The following GRIN3A variants were observed in gnomAD, a reference collection of about 807,000 sequenced individuals.
GRIN3A encodes the protein glutamate ionotropic receptor NMDA type subunit 3A.
GRIN3A carries 47 observed loss-of-function variants against 92.4 expected under a neutral mutation model. That is an observed-to-expected ratio of 0.51 (90% CI 0.40 to 0.65). The LOEUF is 0.65. Ranked by LOEUF, GRIN3A falls within the 30% of genes least tolerant of loss-of-function variation. GRIN3A has a pLI of 0.00. For missense variants in GRIN3A, 1,324 were observed against 1,393.1 expected, an observed-to-expected ratio of 0.95 and a Z score of 0.79; for synonymous variants, 527 against 540.6, an observed-to-expected ratio of 0.97 and a Z score of 0.35.
chr9:101,600,545 T>A (rs1261845937), intron 6 of GRIN3A, among the ~76,000 whole-genome samples: 1 of 152,038 alleles, frequency 6.6e-6, no homozygotes, highest in African/African-American at 2.4e-5. Context: ...AACAGAAAAC[T>A]TTTACTGGGG....
chr9:101,734,154 G>T (rs1244461651), intron 1 of GRIN3A, among the ~76,000 whole-genome samples: 1 of 152,206 alleles, frequency 6.6e-6, no homozygotes, highest in East Asian at 1.9e-4. Flanking sequence ...ACTTTAGGGA[G>T]TTAACTTTGA....
chr9:101,617,902 G>A (rs1828487745), intron 5 of GRIN3A, among the ~76,000 whole-genome samples: 2 of 150,344 alleles, frequency 1.3e-5, no homozygotes, highest in Non-Finnish European at 2.9e-5. Context: ...GCGGTGTTTG[G>A]TTTTTTGTTC....
At chr9:101,699,157 T>C (rs769646409) in intron 1 of GRIN3A, among the ~76,000 whole-genome samples, 1 of 152,248 alleles carries the variant, frequency 6.6e-6, no homozygotes, top group Non-Finnish European at 1.5e-5. Context: ...AATTTGTTTT[T>C]ATTTTTTAAA....
At chr9:101,714,510 C>G (rs1346715890) in intron 1 of GRIN3A, among the ~76,000 whole-genome samples, 1 of 152,110 alleles carries the variant, frequency 6.6e-6, no homozygotes, top group Non-Finnish European at 1.5e-5. Context: ...TCAGTTAGAA[C>G]TCAGACAGCT....
In GRIN3A at chr9:101,628,301, C is replaced by T. The variant is rs755186336; in HGVS notation, c.2453G>A (p.Arg818Lys). 6.2e-7 allele frequency: 1 copy of T among 1,613,994 alleles called. No homozygotes were observed. Among genetic ancestry groups the T allele is most frequent in the South Asian group, 1.1e-5 (1 of 91,078 alleles). ...QSFPEMHEYM[R>K]RYNVPATPDG... The stretch of plus-strand genomic sequence containing the variant: ...AGGGGTGGCTGGAACATTGTACCTT[C>T]TCATATATTCATGCATCTCTGGGAA... The change falls in exon 4 of 9, where the codon AGA becomes AAA. Residue 818 changes from arginine (R) to lysine (K), a missense_variant. Coordinates refer to ENST00000361820, the MANE Select transcript of GRIN3A (RefSeq NM_133445.3).
At position 101,669,992 on chromosome 9, in the gene GRIN3A, C is replaced by T. The variant is rs1004178735; in HGVS notation, c.2352+68G>A. On this transcript the variant is annotated intron_variant, in intron 3 of 8. Transcript: ENST00000361820. ...TAGATGGAAGAACATGAGCATACTACAGCAGAAGATACAACATACGGAATT... is the reference window on the plus strand; with the variant it reads ...TAGATGGAAGAACATGAGCATACTATAGCAGAAGATACAACATACGGAATT... 4.1e-5 allele frequency: 48 copies of T among 1,182,000 alleles called. No homozygotes were observed. In the African/African-American group the frequency reaches 6.2e-4, roughly 15 times the overall value. The allele number at this position is 1,182,000 out of a possible 1,614,324, so 73.2% of individuals were successfully genotyped here. A position where few individuals can be genotyped will look rare whatever the true frequency, so the allele number is the denominator to read the frequency against.
At chr9:101,650,314 C>T (rs1401740062) in intron 3 of GRIN3A, among the ~76,000 whole-genome samples, 1 of 152,062 alleles carries the variant, frequency 6.6e-6, no homozygotes, top group Non-Finnish European at 1.5e-5. Context: ...TCCCCTCTAA[C>T]TCTGGTCCTA....
Position 101,683,844 on chromosome 9 carries a change from CAGTGAGAGAG to C in GRIN3A, c.1304+2742_1304+2751del, listed in dbSNP as rs1333227367. Among the ~76,000 whole-genome samples the C allele has an allele frequency of 3.2e-3, 257 of 79,168 alleles. 2 individuals carry two copies. Among genetic ancestry groups the C allele is most frequent in the South Asian group, 0.025 (53 of 2,136 alleles). 51.9% of individuals were successfully genotyped at this position (79,168 alleles called of 152,430 possible). A position where few individuals can be genotyped will look rare whatever the true frequency, so the allele number is the denominator to read the frequency against. ...CACCATAAGGAGAGAGAGAGAGAGA[CAGTGAGAGAG>C]AGAGAGAGAGAGAGAGAGAGAGAGA... On this transcript the variant is annotated intron_variant, in intron 2 of 8. Transcript: ENST00000361820.
In GRIN3A at chr9:101,670,895, T is replaced by C; in HGVS notation, c.1517A>G (p.His506Arg). Residue 506 changes from histidine (H) to arginine (R), a missense_variant, in exon 3 of 9, where the codon CAC (histidine) becomes CGC (arginine). By Grantham distance (29) the His-to-Arg change is conservative. Coordinates refer to ENST00000361820, the MANE Select transcript of GRIN3A (RefSeq NM_133445.3). The stretch of plus-strand genomic sequence containing the variant: ...GTGTAGCTTACTTGGATGTTGGAAG[T>C]GGGTTTTGTGTCTCTGGGCCTGCTC... ...WPEQAQRHKT[H>R]FQHPSKLHLR... The C allele has an allele frequency of 6.2e-7, 1 of 1,612,008 alleles. No individual in the cohort carries two copies.
chr9:101,699,174 TGTTAA>T (rs1195052080), intron 1 of GRIN3A, among the ~76,000 whole-genome samples: 2 of 152,222 alleles, frequency 1.3e-5, no homozygotes, highest in East Asian at 1.9e-4. Context: ...TAAAACTTTT[TGTTAA>T]AAATAAAGAT....
intron 6 of GRIN3A, among the ~76,000 whole-genome samples, chr9:101,589,022 A>G (rs10122869): frequency 0.14 from 21,503 of 151,994 alleles, 1,650 homozygotes; most frequent in East Asian, 0.22. Context: ...CCAGGGCAGA[A>G]TGTAGTGGAG....
In GRIN3A at chr9:101,738,082, A is replaced by C; in HGVS notation, c.-103T>G. The C allele has an allele frequency of 1.0e-6, 1 of 985,262 alleles. No homozygotes were observed. Among genetic ancestry groups the C allele is most frequent in the Non-Finnish European group, 1.5e-6 (1 of 646,350 alleles). The allele number at this position is 985,262 out of a possible 1,614,324, so 61.0% of individuals were successfully genotyped here. On this transcript the variant is annotated 5_prime_UTR_variant, in exon 1 of 9. Coordinates refer to ENST00000361820, the MANE Select transcript of GRIN3A (RefSeq NM_133445.3). ...GCCTCCAGGTCCCGCGCGCAGCTTC[A>C]CTCCACTCGGTGAAGCGGTCCCAGG...
chr9:101,633,405 C>T (rs956201482), intron 3 of GRIN3A, among the ~76,000 whole-genome samples: 10 of 152,146 alleles, frequency 6.6e-5, no homozygotes, highest in Admixed American at 6.5e-4. Flanking sequence ...CCTGTGGATG[C>T]TATAGTATCA....
intron 3 of GRIN3A, among the ~76,000 whole-genome samples, chr9:101,662,265 C>T (rs910395309): frequency 9.9e-5 from 15 of 151,834 alleles, no homozygotes; most frequent in Non-Finnish European, 1.9e-4. Context: ...ATCTTGTCAC[C>T]GTGTTCACCT....
chr9:101,622,924 G>A (rs1828577324), intron 5 of GRIN3A, among the ~76,000 whole-genome samples: 1 of 151,746 alleles, frequency 6.6e-6, no homozygotes, highest in African/African-American at 2.4e-5. Context: ...GGCTGAGGCA[G>A]GAGGATCACT....
At chr9:101,737,083 C>T (rs1014876560) in intron 1 of GRIN3A, among the ~76,000 whole-genome samples, 198 bp downstream of exon 1, 3 of 152,164 alleles carry the variant, frequency 2.0e-5, no homozygotes, top group Admixed American at 1.3e-4. Context: ...TTTCCATCCG[C>T]GCTTTAAATA....
At chr9:101,695,686 A>G (rs1039394743) in intron 1 of GRIN3A, among the ~76,000 whole-genome samples, 2 of 152,094 alleles carry the variant, frequency 1.3e-5, no homozygotes, top group African/African-American at 4.8e-5. Context: ...TAGCCTTATT[A>G]TTACTATTGT....
intron 8 of GRIN3A, among the ~76,000 whole-genome samples, chr9:101,577,390 G>T (rs1382094593): frequency 6.6e-6 from 1 of 152,182 alleles, no homozygotes; most frequent in South Asian, 2.1e-4. Flanking sequence ...AGATGTACAT[G>T]TATGATCTTA....
intron 2 of GRIN3A, among the ~76,000 whole-genome samples, chr9:101,677,290 C>T (rs1278703679): frequency 6.6e-6 from 1 of 152,054 alleles, no homozygotes; most frequent in Non-Finnish European, 1.5e-5. Context: ...CCAGTATTCT[C>T]ACTGTTTCTG....
Sources: gnomAD v4.1 joint callset for allele counts (sites outside exome capture counted in the v4.1 genomes callset) on GRCh38, gnomAD v4.1.1 for gene constraint, MANE v1.5 for transcripts, NCBI Gene and HGNC (gene_info 2026-07-23, HGNC 2026-07-21) for gene names.